Variants in PRKN observed in about 807,000 individuals in gnomAD.
PRKN encodes the protein parkin RBR E3 ubiquitin protein ligase, also known as E3 ubiquitin-protein ligase parkin.
Under a neutral mutation model 59.5 loss-of-function variants are expected in PRKN, and 56 were observed. The ratio of observed to expected loss-of-function variants is 0.94; its 90% CI spans 0.76 to 1.18. PRKN has a LOEUF of 1.18. Ranked by LOEUF, PRKN falls within the 50% of genes most tolerant of loss-of-function variation. The pLI, the probability that PRKN is intolerant of heterozygous loss-of-function variation, is 0.00. For synonymous variants in PRKN, 250 were observed against 222.1 expected (o/e 1.13, Z -1.12); for missense variants, 657 against 596.4 (o/e 1.10, Z -1.06).
chr6:161,498,704 T>C lies in PRKN; in HGVS notation c.1083+50150A>G, dbSNP rs747704562. ...CACATCAGTCTCCCTGCCAACCCTA[T>C]TGGACAGGCCTTACGCGTGAGAAAC... On this transcript the variant is annotated intron_variant, in intron 9 of 11. Transcript: ENST00000366898. The surrounding 1 kb of genome is among the most constrained non-coding windows in gnomAD (Gnocchi z 4.2). Among the ~76,000 whole-genome samples, 16 of 152,204 alleles carry C rather than the reference T, an allele frequency of 1.1e-4. No homozygotes were observed. Among genetic ancestry groups the C allele is most frequent in the Non-Finnish European group, 1.9e-4 (13 of 68,038 alleles).
chr6:162,698,492 C>T (rs1778043582), intron 1 of PRKN, among the ~76,000 whole-genome samples: 1 of 152,146 alleles, frequency 6.6e-6, no homozygotes, highest in South Asian at 2.1e-4. Flanking sequence ...GCTCAAGCAC[C>T]ATCACATGAG....
At chr6:161,800,566 A>T (rs1791036348) in intron 6 of PRKN, among the ~76,000 whole-genome samples, 1 of 152,330 alleles carries the variant, frequency 6.6e-6, no homozygotes, top group African/African-American at 2.4e-5. Context: ...CCCCTCTACC[A>T]TGCCCAGTGC....
At chr6:161,412,313 T>A (rs1787609893) in intron 9 of PRKN, among the ~76,000 whole-genome samples, 1 of 149,286 alleles carries the variant, frequency 6.7e-6, no homozygotes, top group Non-Finnish European at 1.5e-5. Flanking sequence ...TGCTCACTCA[T>A]TCGTCCACTC....
At chr6:162,307,020 A>C (rs1228117488) in intron 2 of PRKN, among the ~76,000 whole-genome samples, 1 of 152,160 alleles carries the variant, frequency 6.6e-6, no homozygotes, top group Non-Finnish European at 1.5e-5. Context: ...AAAACTATCT[A>C]TCTGTGGGCC....
chr6:162,225,931 ATTATT>A (rs1157312180), intron 3 of PRKN, among the ~76,000 whole-genome samples: 3 of 147,802 alleles, frequency 2.0e-5, no homozygotes, highest in Non-Finnish European at 4.5e-5. Context: ...TTATACTTCT[ATTATT>A]TTATTATTTT....
intron 5 of PRKN, among the ~76,000 whole-genome samples, chr6:161,973,993 G>A (rs1489169895): frequency 6.6e-6 from 1 of 152,238 alleles, no homozygotes; most frequent in Non-Finnish European, 1.5e-5. Flanking sequence ...GAGGCCCGGC[G>A]CGTTGGCTCG....
chr6:162,230,378 A>G (rs1022910553), intron 3 of PRKN, among the ~76,000 whole-genome samples: 1 of 152,204 alleles, frequency 6.6e-6, no homozygotes, highest in African/African-American at 2.4e-5. Flanking sequence ...AGCAAGTGGG[A>G]AGAAGCACAC....
At chr6:162,104,168 T>C (rs1225516390) in intron 4 of PRKN, among the ~76,000 whole-genome samples, 2 of 152,130 alleles carry the variant, frequency 1.3e-5, no homozygotes, top group Non-Finnish European at 1.5e-5. Flanking sequence ...CTCATCTCCA[T>C]GAAGAGCTAA....
At chr6:161,476,484 TAAG>T (rs1276491353) in intron 9 of PRKN, among the ~76,000 whole-genome samples, 2 of 152,186 alleles carry the variant, frequency 1.3e-5, no homozygotes, top group African/African-American at 4.8e-5. Flanking sequence ...CTCAGACACT[TAAG>T]ACACTTTTCC....
chr6:161,460,856 TCTC>T lies in PRKN; in HGVS notation c.1084-73982_1084-73980del, dbSNP rs1036454249. Among the ~76,000 whole-genome samples the T allele has an allele frequency of 1.3e-5, 2 of 151,362 alleles. No homozygotes were observed. The highest frequency in any genetic ancestry group is 4.9e-5 in the African/African-American group (2 of 41,166). The stretch of plus-strand genomic sequence containing the variant: ...TCTCAGACTCCCTGGTTCAAGCAAT[TCTC>T]CTGCCTCGGCCTCCCAAGTAGCTGG... On this transcript the variant is annotated intron_variant, in intron 9 of 11. Transcript: ENST00000366898. This position sits in a 1 kb window ranked among gnomAD's most constrained non-coding sequence, Gnocchi z 5.0.
In PRKN at chr6:161,373,231, T is replaced by A. The variant is rs1785511392; in HGVS notation, c.1168-13026A>T. ...CCTTGACCTCAAAGTTAACTGAGTA[T>A]AGATGTTAACCACGTCTACAAAAAT... On this transcript the variant is annotated intron_variant, in intron 10 of 11. Coordinates refer to ENST00000366898, the MANE Select transcript of PRKN (RefSeq NM_004562.3). The surrounding 1 kb of genome is among the most constrained non-coding windows in gnomAD (Gnocchi z 4.8). Among the ~76,000 whole-genome samples the A allele has an allele frequency of 6.6e-6, 1 of 152,186 alleles. No homozygotes were observed. The highest frequency in any genetic ancestry group is 2.4e-5 in the African/African-American group (1 of 41,458).
chr6:162,666,082 T>C (rs768794471), intron 1 of PRKN, among the ~76,000 whole-genome samples: 1 of 152,138 alleles, frequency 6.6e-6, no homozygotes, highest in Non-Finnish European at 1.5e-5. Context: ...ATAAAAACCC[T>C]AGAAGAAAAT....
chr6:162,172,606 T>C (rs913494244), intron 4 of PRKN, among the ~76,000 whole-genome samples: 1 of 152,192 alleles, frequency 6.6e-6, no homozygotes, highest in Non-Finnish European at 1.5e-5. Context: ...CATAGGTTTG[T>C]GGTGAGAACT....
intron 9 of PRKN, among the ~76,000 whole-genome samples, chr6:161,387,958 C>T (rs1019434251): frequency 1.3e-5 from 2 of 152,324 alleles, no homozygotes; most frequent in East Asian, 3.9e-4. Context: ...AACCAATGCC[C>T]TCTACCCGCC....
intron 6 of PRKN, among the ~76,000 whole-genome samples, chr6:161,920,388 A>G (rs1053293094): frequency 1.3e-5 from 2 of 151,684 alleles, no homozygotes; most frequent in Non-Finnish European, 2.9e-5. Context: ...TACCAGAAAA[A>G]ATAAAAAAGG....
chr6:162,102,562 G>T (rs1780015755), intron 4 of PRKN, among the ~76,000 whole-genome samples: 1 of 152,104 alleles, frequency 6.6e-6, no homozygotes, highest in African/African-American at 2.4e-5. Flanking sequence ...CTGCATTCTG[G>T]AGACGACCTT....
intron 4 of PRKN, among the ~76,000 whole-genome samples, chr6:162,129,965 T>C (rs1480833569): frequency 6.6e-6 from 1 of 152,148 alleles, no homozygotes; most frequent in Non-Finnish European, 1.5e-5. Context: ...AAGAAAAAAA[T>C]GAGCCTTACA....
intron 1 of PRKN, among the ~76,000 whole-genome samples, chr6:162,474,581 T>C (rs1791912327): frequency 6.6e-6 from 1 of 152,214 alleles, no homozygotes; most frequent in Admixed American, 6.5e-5. Context: ...AAAAATATTC[T>C]ATTAAATGTA....
At chr6:161,910,053 G>T (rs963587664) in intron 6 of PRKN, among the ~76,000 whole-genome samples, 2 of 152,154 alleles carry the variant, frequency 1.3e-5, no homozygotes, top group Non-Finnish European at 2.9e-5. Flanking sequence ...ATTTTGAGGG[G>T]TTCAAGTCTT....
Sources: allele counts gnomAD v4.1 joint callset (sites outside exome capture counted in the v4.1 genomes callset), GRCh38; gene constraint gnomAD v4.1.1; non-coding constraint Gnocchi (gnomAD v3.1); transcripts MANE v1.5; gene names NCBI Gene and HGNC (gene_info 2026-07-23, HGNC 2026-07-21).